The following TRAPPC13 variants were observed in gnomAD, a reference collection of about 807,000 sequenced individuals.
TRAPPC13 encodes the protein trafficking protein particle complex subunit 13, also known as REV7-interacting novel NHEJ regulator 1.
In TRAPPC13, 39 loss-of-function variants were observed where a neutral mutation model predicts 54.0. The ratio of observed to expected loss-of-function variants is 0.72; its 90% CI spans 0.56 to 0.94. TRAPPC13 has a LOEUF of 0.94. TRAPPC13 is among the 40% of genes least tolerant of loss of function. The probability of loss-of-function intolerance (pLI) is 0.00; values close to 1 mark genes in which losing one functional copy is unlikely to be tolerated. For missense variants in TRAPPC13, 386 were observed against 488.1 expected (o/e 0.79, Z 1.97); for synonymous variants, 148 against 167.7 (o/e 0.88, Z 0.91).
In TRAPPC13 at chr5:65,665,922, C is replaced by A. The variant is rs999872874; in HGVS notation, c.*1311C>A. ...ATGTAAGAGTGCATTAAATCAAATA[C>A]AAAAATTGGTTTTTCAATGCATCAT... On this transcript the variant is annotated 3_prime_UTR_variant, in exon 13 of 13. Transcript: ENST00000399438. 1.3e-5 allele frequency: 2 copies of A among 152,478 alleles called. No individual in the cohort carries two copies. Among genetic ancestry groups the A allele is most frequent in the South Asian group, 2.1e-4 (1 of 4,826 alleles). The allele number at this position is 152,478 out of a possible 1,614,324, so 9.4% of individuals were successfully genotyped here. A position where few individuals can be genotyped will look rare whatever the true frequency, so the allele number is the denominator to read the frequency against.
At position 65,637,570 on chromosome 5, in the gene TRAPPC13, G is replaced by A. The variant is rs908708818; in HGVS notation, c.216-126G>A. On this transcript the variant is annotated intron_variant, in intron 3 of 12. Coordinates refer to ENST00000399438, the MANE Select transcript of TRAPPC13 (RefSeq NM_024941.4). ...GGGGTGAACATGGGAGGCGGAGTTT[G>A]CAGTGAGCCTAGATCGTGCCACTGC... The A allele has an allele frequency of 2.7e-5, 13 of 480,192 alleles. No individual in the cohort carries two copies. The Admixed American group carries it at 4.8e-4, about 18-fold the overall frequency. 29.7% of individuals were successfully genotyped at this position (480,192 alleles called of 1,614,324 possible).
At chr5:65,660,928 T>C in intron 10 of TRAPPC13, 31 bp downstream of exon 10, 1 of 1,570,538 alleles carries the variant, frequency 6.4e-7, no homozygotes, top group East Asian at 2.3e-5. Flanking sequence ...GCTGGGGTTT[T>C]GGTGTGTGAA....
At chr5:65,627,131 CAAA>C (rs60169195) in intron 1 of TRAPPC13, among the ~76,000 whole-genome samples, 69 of 32,570 alleles carry the variant, frequency 2.1e-3, no homozygotes, top group South Asian at 7.7e-3. Flanking sequence ...GACCCTGTCT[CAAA>C]AAAAAAAAAA....
chr5:65,634,923 A>T, intron 1 of TRAPPC13: 1 of 861,560 alleles, frequency 1.2e-6, no homozygotes, highest in Non-Finnish European at 1.4e-6. Context: ...ACACTTACTG[A>T]GTTTCCAAAG....
At chr5:65,653,670 A>T (rs1262290356) in intron 7 of TRAPPC13, among the ~76,000 whole-genome samples, 2 of 152,198 alleles carry the variant, frequency 1.3e-5, no homozygotes, top group Non-Finnish European at 2.9e-5. Context: ...AAAGGAATGC[A>T]GGTTGGAAAC....
At chr5:65,658,233 G>T in intron 8 of TRAPPC13, 135 bp from the exon 9 acceptor site, 3 of 782,418 alleles carry the variant, frequency 3.8e-6, no homozygotes, top group Non-Finnish European at 3.8e-6. Flanking sequence ...ATTAATTGTG[G>T]TAACTTTGAT....
chr5:65,625,186 C>T (rs969932476), intron 1 of TRAPPC13, 80 bp downstream of exon 1: 2 of 1,220,852 alleles, frequency 1.6e-6, no homozygotes, highest in African/African-American at 3.0e-5. Context: ...ATGTAGGCCT[C>T]ATCCTTCTTA....
intron 4 of TRAPPC13, among the ~76,000 whole-genome samples, chr5:65,642,874 T>C (rs1237421536): frequency 6.6e-6 from 1 of 152,162 alleles, no homozygotes; most frequent in Non-Finnish European, 1.5e-5. Context: ...TTGCCCAATG[T>C]AGTGAGACCA....
chr5:65,644,881 C>CAAAAAAAA (rs34137576), intron 4 of TRAPPC13, among the ~76,000 whole-genome samples: 1 of 124,964 alleles, frequency 8.0e-6, no homozygotes, highest in African/African-American at 3.1e-5. Context: ...ACTCCGTCTC[C>CAAAAAAAA]AAAAAAAAAA....
intron 7 of TRAPPC13, among the ~76,000 whole-genome samples, chr5:65,653,169 T>A (rs1217105627): frequency 1.4e-5 from 2 of 140,494 alleles, no homozygotes; most frequent in African/African-American, 5.2e-5. Context: ...GGAGAAAGGA[T>A]TTATTGCTTG....
intron 11 of TRAPPC13, 142 bp downstream of exon 11, chr5:65,662,292 ATTC>A (rs1756874835): frequency 1.9e-6 from 1 of 528,680 alleles, no homozygotes; most frequent in Non-Finnish European, 3.3e-6. Flanking sequence ...GTACTGTAAA[ATTC>A]TTCATCTGGT....
intron 4 of TRAPPC13, among the ~76,000 whole-genome samples, chr5:65,646,634 T>C (rs77871889): frequency 0.014 from 2,204 of 152,280 alleles, 47 homozygotes; most frequent in African/African-American, 0.051. Context: ...ACACGTGTCG[T>C]AGCTAGAGTA....
In TRAPPC13 at chr5:65,644,427, G is replaced by C. The variant is rs573127206; in HGVS notation, c.301-2628G>C. Among the ~76,000 whole-genome samples the C allele has an allele frequency of 9.2e-5, 14 of 152,206 alleles. No homozygotes were observed. The South Asian group carries it at 2.7e-3, about 29-fold the overall frequency. On this transcript the variant is annotated intron_variant, in intron 4 of 12. Transcript: ENST00000399438. ...TTGCTAGCTCTGTTCAACTTACTTA[G>C]AATAAGTTCCCCCAACCCCTTTCCT...
chr5:65,630,003 A>G (rs764490566), intron 1 of TRAPPC13: 8 of 1,535,924 alleles, frequency 5.2e-6, no homozygotes, highest in South Asian at 3.6e-5. Flanking sequence ...CTTCCCAGCA[A>G]TAATTGTACT....
chr5:65,633,877 T>G (rs1417749363), intron 1 of TRAPPC13, among the ~76,000 whole-genome samples: 2 of 151,758 alleles, frequency 1.3e-5, no homozygotes, highest in Non-Finnish European at 2.9e-5. Flanking sequence ...CTTTGCACCT[T>G]ATAATGAATA....
At chr5:65,658,547 A>T in intron 9 of TRAPPC13, 46 bp downstream of exon 9, 1 of 1,442,992 alleles carries the variant, frequency 6.9e-7, no homozygotes, top group Non-Finnish European at 9.2e-7. Flanking sequence ...TGAAAGATAC[A>T]TGTTTTTCTA....
chr5:65,628,152 T>C (rs1442979567), intron 1 of TRAPPC13, among the ~76,000 whole-genome samples: 2 of 152,202 alleles, frequency 1.3e-5, no homozygotes, highest in African/African-American at 4.8e-5. Context: ...ATGCACCATA[T>C]GCTGGAATTT....
chr5:65,632,600 C>T (rs1357744014), intron 1 of TRAPPC13, among the ~76,000 whole-genome samples: 1 of 152,092 alleles, frequency 6.6e-6, no homozygotes, highest in African/African-American at 2.4e-5. Context: ...TAATATAATC[C>T]TTTGTATGCA....
intron 4 of TRAPPC13, among the ~76,000 whole-genome samples, chr5:65,644,292 T>C (rs926282642): frequency 2.6e-5 from 4 of 152,154 alleles, no homozygotes; most frequent in Non-Finnish European, 5.9e-5. Context: ...TTCTTCTGCC[T>C]CAGCCTCCCG....
Sources: gnomAD v4.1 joint callset for allele counts (sites outside exome capture counted in the v4.1 genomes callset) on GRCh38, gnomAD v4.1.1 for gene constraint, MANE v1.5 for transcripts, NCBI Gene and HGNC (gene_info 2026-07-23, HGNC 2026-07-21) for gene names.